SYT16: variants seen among roughly 807,000 people sequenced by gnomAD.
The protein encoded by SYT16 is synaptotagmin 16, also known as synaptotagmin-16.
In SYT16, 42 loss-of-function variants were observed where a neutral mutation model predicts 61.4. The ratio of observed to expected loss-of-function variants is 0.68; its 90% confidence interval spans 0.53 to 0.89. The LOEUF (loss-of-function observed/expected upper bound fraction) is 0.89. SYT16 is among the 40% of genes least tolerant of loss of function. SYT16 has a pLI of 0.00. For synonymous variants in SYT16, 314 were observed against 302.3 expected (o/e 1.04, Z -0.40); for missense variants, 804 against 807.3 (o/e 1.00, Z 0.05).
intron 1 of SYT16, among the ~76,000 whole-genome samples, chr14:61,949,526 G>A (rs1012944661): frequency 1.3e-5 from 2 of 152,050 alleles, no homozygotes; most frequent in African/African-American, 4.8e-5. Flanking sequence ...TATAATCATA[G>A]TGCACTAAAG....
intron 1 of SYT16, among the ~76,000 whole-genome samples, chr14:61,871,958 A>G (rs1345180670): frequency 6.6e-6 from 1 of 152,088 alleles, no homozygotes; most frequent in Non-Finnish European, 1.5e-5. Flanking sequence ...TGGGAATATT[A>G]TCTTCTTTAA....
At chr14:61,835,934 C>G (rs181347567) in intron 1 of SYT16, among the ~76,000 whole-genome samples, 1 of 152,176 alleles carries the variant, frequency 6.6e-6, no homozygotes, top group Non-Finnish European at 1.5e-5. Context: ...GACCCACTCT[C>G]GTTGGCCTAG....
intron 1 of SYT16, among the ~76,000 whole-genome samples, chr14:61,835,446 G>T (rs1236562785): frequency 6.6e-6 from 1 of 151,722 alleles, no homozygotes; most frequent in African/African-American, 2.4e-5. Context: ...TCTTAGTAGA[G>T]ATGGGGTTTC....
At chr14:62,060,033 GT>G (rs2055757722) in intron 3 of SYT16, among the ~76,000 whole-genome samples, 1 of 151,986 alleles carries the variant, frequency 6.6e-6, no homozygotes, top group Admixed American at 6.5e-5. Context: ...TATATAATAA[GT>G]CTTAAAATCA....
At chr14:61,867,928 T>C (rs1326523506) in intron 1 of SYT16, among the ~76,000 whole-genome samples, 1 of 152,114 alleles carries the variant, frequency 6.6e-6, no homozygotes, top group Non-Finnish European at 1.5e-5. Context: ...GATCATATGG[T>C]TTTCTTTAAC....
intron 2 of SYT16, among the ~76,000 whole-genome samples, chr14:61,983,009 T>C (rs1329866627): frequency 6.6e-6 from 1 of 152,146 alleles, no homozygotes; most frequent in Non-Finnish European, 1.5e-5. Context: ...TTTAAAGAGA[T>C]ATATGCCTTA....
chr14:62,003,035 G>A lies in SYT16; in HGVS notation c.523+6493G>A, dbSNP rs112045438. On this transcript the variant is annotated intron_variant, in intron 3 of 7. Transcript: ENST00000683842. Reference sequence around the variant, plus strand: ...TGGGGGAAACCACCCCCATGATTCAGTTACCTCCCTTTGGGTCCCTCCCAC... The same window carrying A: ...TGGGGGAAACCACCCCCATGATTCAATTACCTCCCTTTGGGTCCCTCCCAC... Among the ~76,000 whole-genome samples, 85 of 152,106 alleles carry A rather than the reference G, an allele frequency of 5.6e-4. 1 individual carries two copies. Among genetic ancestry groups the A allele is most frequent in the Admixed American group, 1.4e-3 (22 of 15,272 alleles).
intron 1 of SYT16, among the ~76,000 whole-genome samples, chr14:61,839,246 A>T (rs72716766): frequency 0.078 from 11,889 of 152,194 alleles, 531 homozygotes; most frequent in Non-Finnish European, 0.1. Flanking sequence ...GAATGGATTA[A>T]TGCCACTATA....
At chr14:61,976,469 C>T (rs2051807870) in intron 2 of SYT16, among the ~76,000 whole-genome samples, 1 of 152,180 alleles carries the variant, frequency 6.6e-6, no homozygotes, top group Admixed American at 6.5e-5. Context: ...AAACTTCTGC[C>T]TGGACATCCA....
chr14:62,033,826 G>C (rs1455977633), intron 3 of SYT16, among the ~76,000 whole-genome samples: 1 of 152,030 alleles, frequency 6.6e-6, no homozygotes, highest in African/African-American at 2.4e-5. Flanking sequence ...AACACTAAAA[G>C]CACAAGTGAC....
chr14:61,951,150 A>G (rs560120829), intron 1 of SYT16, among the ~76,000 whole-genome samples: 1 of 152,336 alleles, frequency 6.6e-6, no homozygotes, highest in South Asian at 2.1e-4. Context: ...CCAACAAACA[A>G]ATTCTTAGTA....
intron 3 of SYT16, among the ~76,000 whole-genome samples, chr14:62,025,697 A>C (rs1224499429): frequency 6.6e-6 from 1 of 152,012 alleles, no homozygotes. Context: ...ATCCAGCCCC[A>C]AAATGTCAAA....
chr14:61,832,175 C>G (rs2045959202), intron 1 of SYT16: 2 of 677,198 alleles, frequency 3.0e-6, no homozygotes, highest in South Asian at 1.4e-5. Context: ...AGGCCTTCTC[C>G]TTCTTCTTCA....
intron 1 of SYT16, among the ~76,000 whole-genome samples, chr14:61,883,597 T>C (rs553089794): frequency 6.6e-6 from 1 of 152,320 alleles, no homozygotes; most frequent in African/African-American, 2.4e-5. Flanking sequence ...CTCTCCTACA[T>C]TTTTCTGTCA....
intron 1 of SYT16, among the ~76,000 whole-genome samples, chr14:61,846,372 T>C (rs895684882): frequency 7.9e-5 from 12 of 152,176 alleles, no homozygotes; most frequent in Non-Finnish European, 1.8e-4. Flanking sequence ...AAAGTTGTTA[T>C]ATCCTCCTGC....
At chr14:62,025,648 T>G (rs2054075037) in intron 3 of SYT16, among the ~76,000 whole-genome samples, 1 of 152,150 alleles carries the variant, frequency 6.6e-6, no homozygotes, top group Non-Finnish European at 1.5e-5. Flanking sequence ...TTTGGTGAAA[T>G]GTTTATTTTT....
At chr14:61,928,840 A>G (rs1375397137) in intron 1 of SYT16, among the ~76,000 whole-genome samples, 1 of 152,166 alleles carries the variant, frequency 6.6e-6, no homozygotes, top group African/African-American at 2.4e-5. Flanking sequence ...GATAATGAGG[A>G]TAAGTACATA....
intron 3 of SYT16, among the ~76,000 whole-genome samples, chr14:62,034,240 T>C (rs1011926334): frequency 3.3e-5 from 5 of 152,170 alleles, no homozygotes; most frequent in African/African-American, 1.2e-4. Flanking sequence ...GGAACCTTAA[T>C]ATACTGCTGG....
chr14:61,866,291 A>G (rs1309813868), intron 1 of SYT16, among the ~76,000 whole-genome samples: 1 of 152,184 alleles, frequency 6.6e-6, no homozygotes, highest in Non-Finnish European at 1.5e-5. Flanking sequence ...CTCTACAAAA[A>G]ATTGCCAAAA....
Sources: gnomAD v4.1 joint callset for allele counts (sites outside exome capture counted in the v4.1 genomes callset) on GRCh38, gnomAD v4.1.1 for gene constraint, MANE v1.5 for transcripts, NCBI Gene and HGNC (gene_info 2026-07-23, HGNC 2026-07-21) for gene names.